Variants in EEA1 observed in about 807,000 individuals in gnomAD.
The protein encoded by EEA1 is early endosome antigen 1, 162kD.
Under a neutral mutation model 209.2 loss-of-function variants are expected in EEA1, and 111 were observed. That is an observed-to-expected ratio of 0.53 (90% CI 0.45 to 0.62). The LOEUF (loss-of-function observed/expected upper bound fraction) is 0.62. Among genes scored for constraint, EEA1 ranks in the 20% least tolerant of loss-of-function variants. The pLI is 0.00. For missense variants in EEA1, 1,343 were observed against 1,530.8 expected (o/e 0.88, Z 2.05); for synonymous variants, 536 against 540.6 (o/e 0.99, Z 0.12).
At chr12:92,925,195 A>AAAC (rs1881165191) in intron 1 of EEA1, among the ~76,000 whole-genome samples, 1 of 151,862 alleles carries the variant, frequency 6.6e-6, no homozygotes, top group Non-Finnish European at 1.5e-5. Flanking sequence ...AAAAAAAAAA[A>AAAC]AAACACTAAT....
intron 2 of EEA1, 110 bp downstream of exon 2, chr12:92,891,519 C>T: frequency 1.2e-6 from 1 of 818,320 alleles, no homozygotes; most frequent in Non-Finnish European, 1.9e-6. Context: ...CCAACTTTTA[C>T]AAGAAAAACT....
chr12:92,830,652 C>T (rs1876585626), intron 11 of EEA1, among the ~76,000 whole-genome samples: 1 of 152,070 alleles, frequency 6.6e-6, no homozygotes, highest in East Asian at 1.9e-4. Flanking sequence ...TAGGAAAAAA[C>T]TAAAGACACT....
chr12:92,866,536 T>TA (rs138437103), intron 2 of EEA1, among the ~76,000 whole-genome samples: 17,954 of 145,054 alleles, frequency 0.12, 1,203 homozygotes, highest in African/African-American at 0.18. Context: ...CTTGATTCTA[T>TA]AAAAAAAAAA....
At chr12:92,860,789 C>T (rs999909137) in intron 3 of EEA1, among the ~76,000 whole-genome samples, 2 of 151,850 alleles carry the variant, frequency 1.3e-5, no homozygotes, top group African/African-American at 4.8e-5. Context: ...CAGAAAGTGC[C>T]TTTCAGGATC....
chr12:92,785,155 T>C (rs1874075610), intron 22 of EEA1, among the ~76,000 whole-genome samples: 1 of 152,116 alleles, frequency 6.6e-6, no homozygotes, highest in Non-Finnish European at 1.5e-5. Context: ...TTCACTTCAC[T>C]CAGGGTGTAA....
At chr12:92,791,326 G>A (rs1236879626) in intron 21 of EEA1, among the ~76,000 whole-genome samples, 1 of 152,096 alleles carries the variant, frequency 6.6e-6, no homozygotes, top group Non-Finnish European at 1.5e-5. Flanking sequence ...GACACAGACT[G>A]GCAAATTGGA....
rs369187528 is a variant in EEA1, at chr12:92,780,330, T to C, written c.3418A>G (p.Ile1140Val). ...EEIKCRQEKE[I>V]TKLNEELKSH... ...TTGAGTTCTTCGTTTAGTTTAGTGA[T>C]TTCTTTTTCTTGTCTACATTTAATT... The change falls in exon 24 of 29, where the codon ATC becomes GTC. Residue 1140 changes from isoleucine to valine, a missense_variant. Ile to Val is a conservative substitution (Grantham distance 29). Around this residue, in one of 3 missense-constraint regions of EEA1, gnomAD observed 1,307 missense variants for 1,465.5 expected, o/e 0.89. Coordinates refer to ENST00000322349, the MANE Select transcript of EEA1 (RefSeq NM_003566.4). The C allele has an allele frequency of 8.7e-6, 14 of 1,604,124 alleles. No homozygotes were observed. Among genetic ancestry groups the C allele is most frequent in the Non-Finnish European group, 1.0e-5 (12 of 1,176,576 alleles).
intron 15 of EEA1, among the ~76,000 whole-genome samples, chr12:92,814,681 T>C (rs1300727592): frequency 1.3e-5 from 2 of 152,152 alleles, no homozygotes; most frequent in African/African-American, 4.8e-5. Flanking sequence ...TAAGTACCAA[T>C]TACTACAAGG....
chr12:92,793,276 G>A lies in EEA1; in HGVS notation c.2968-5227C>T, dbSNP rs146669232. On this transcript the variant is annotated intron_variant, in intron 21 of 28. Coordinates refer to ENST00000322349, the MANE Select transcript of EEA1 (RefSeq NM_003566.4). ...ATTCAACATAGTGTTGGAAGTTCTG[G>A]CCAGGGCAATCAGGCAAGAGAAAGA... Among the ~76,000 whole-genome samples the A allele has an allele frequency of 8.1e-3, 1,230 of 152,226 alleles. 25 individuals are homozygous for A. The highest frequency in any genetic ancestry group is 0.027 in the African/African-American group (1,120 of 41,534).
chr12:92,907,318 T>C (rs1002767360), intron 1 of EEA1, among the ~76,000 whole-genome samples: 1 of 152,228 alleles, frequency 6.6e-6, no homozygotes, highest in African/African-American at 2.4e-5. Context: ...TTGAATGCCT[T>C]GAGAGCACCA....
At chr12:92,837,007 GT>G (rs1268448010) in intron 10 of EEA1, among the ~76,000 whole-genome samples, 1 of 151,758 alleles carries the variant, frequency 6.6e-6, no homozygotes, top group African/African-American at 2.4e-5. Flanking sequence ...TGTAATCCCA[GT>G]TACTCAGGAG....
chr12:92,802,837 T>C (rs764653145), intron 18 of EEA1, 103 bp from the exon 19 acceptor site: 138 of 901,676 alleles, frequency 1.5e-4, no homozygotes, highest in Non-Finnish European at 2.1e-4. Context: ...TGAAACTTTT[T>C]TGTATAGTTC....
chr12:92,898,732 T>C (rs1360126198), intron 1 of EEA1, among the ~76,000 whole-genome samples: 54 of 28,610 alleles, frequency 1.9e-3, no homozygotes, highest in African/African-American at 8.5e-3. Context: ...TTTTTTTCCC[T>C]TTTTTTTTTT....
At chr12:92,914,665 A>ATTTT (rs1275187896) in intron 1 of EEA1, among the ~76,000 whole-genome samples, 2 of 141,010 alleles carry the variant, frequency 1.4e-5, no homozygotes, top group Non-Finnish European at 3.1e-5. Flanking sequence ...TGTCTCTACA[A>ATTTT]TTTTTTTTTT....
At position 92,773,635 on chromosome 12, in the gene EEA1, G is replaced by A. The variant is rs1349918645; in HGVS notation, c.*2376C>T. 1 of 151,650 alleles carries A rather than the reference G, an allele frequency of 6.6e-6. No individual in the cohort carries two copies. Among genetic ancestry groups the A allele is most frequent in the Non-Finnish European group, 1.5e-5 (1 of 67,642 alleles). The allele number at this position is 151,650 out of a possible 1,614,324, so 9.4% of individuals were successfully genotyped here. ...TCAATGTGCTTTTCATTAAAGCCAA[G>A]AGCTGTACATGCCAGCTTTAACTGA... On this transcript the variant is annotated 3_prime_UTR_variant, in exon 29 of 29. Coordinates refer to ENST00000322349, the MANE Select transcript of EEA1 (RefSeq NM_003566.4).
intron 22 of EEA1, among the ~76,000 whole-genome samples, chr12:92,782,809 A>G (rs1873959897): frequency 6.6e-6 from 1 of 151,708 alleles, no homozygotes; most frequent in South Asian, 2.1e-4. Flanking sequence ...TCCCCACCCC[A>G]TTTTCTGATT....
At chr12:92,815,067 A>G (rs1326896143) in intron 15 of EEA1, among the ~76,000 whole-genome samples, 1 of 152,230 alleles carries the variant, frequency 6.6e-6, no homozygotes, top group Non-Finnish European at 1.5e-5. Context: ...ATCCTACTTT[A>G]TGAACTAACA....
chr12:92,854,079 A>C, intron 5 of EEA1, 125 bp from the exon 6 acceptor site: 1 of 688,712 alleles, frequency 1.5e-6, no homozygotes, highest in Non-Finnish European at 2.2e-6. Flanking sequence ...TTTTGGTGAA[A>C]ATTTAAATTT....
rs759699197 is a variant in EEA1 at position 92,802,413 on chromosome 12, T to G, written c.2661A>C (p.Ile887=). 3 of 1,572,994 alleles carry G rather than the reference T, an allele frequency of 1.9e-6. No homozygotes were observed. Among genetic ancestry groups the G allele is most frequent in the Non-Finnish European group, 2.6e-6 (3 of 1,169,908 alleles). ...EKENQKGKAA[I]LDLEKTCKEL... ...AATGTAAACTACTAACCAAGTCTAA[T>G]ATAGCGGCTTTTCCTTTCTGATTCT... is the stretch of plus-strand genomic sequence containing the variant. The change falls in exon 19 of 29, where the codon ATA becomes ATC. Residue 887 remains isoleucine, a synonymous_variant. Transcript: ENST00000322349.
Sources: allele counts gnomAD v4.1 joint callset (sites outside exome capture counted in the v4.1 genomes callset), GRCh38; gene constraint gnomAD v4.1.1; regional missense constraint gnomAD v4.1.1; transcripts MANE v1.5; gene names NCBI Gene and HGNC (gene_info 2026-07-23, HGNC 2026-07-21).